Variants in CDC14A observed in about 807,000 individuals in gnomAD.
CDC14A encodes dual specificity protein phosphatase CDC14A.
A neutral mutation model predicts 74.4 loss-of-function variants in CDC14A; 53 were observed. The observed-to-expected ratio is 0.71, with a 90% confidence interval of 0.57 to 0.89. The LOEUF is 0.89. CDC14A is among the 40% of genes least tolerant of loss of function. The pLI is 0.00. For synonymous variants in CDC14A, 247 were observed against 258.4 expected, an observed-to-expected ratio of 0.96 and a Z score of 0.43; for missense variants, 646 against 713.7, an observed-to-expected ratio of 0.91 and a Z score of 1.08.
chr1:100,477,625 A>C (rs1669044146), intron 10 of CDC14A, among the ~76,000 whole-genome samples: 1 of 152,132 alleles, frequency 6.6e-6, no homozygotes, highest in Non-Finnish European at 1.5e-5. Flanking sequence ...AAAGAAAAAA[A>C]CAAGGCTTTG....
chr1:100,485,139 G>A, intron 11 of CDC14A: 3 of 985,310 alleles, frequency 3.0e-6, no homozygotes, highest in Non-Finnish European at 3.6e-6. Flanking sequence ...TTAGGATTAT[G>A]AGCATTTTTG....
intron 14 of CDC14A, among the ~76,000 whole-genome samples, chr1:100,498,601 A>T (rs1648232803): frequency 6.6e-6 from 1 of 152,212 alleles, no homozygotes; most frequent in African/African-American, 2.4e-5. Context: ...TGCTCCCCTT[A>T]CATGGCCCTT....
In CDC14A at chr1:100,498,222, C is replaced by T. The variant is rs765605528; in HGVS notation, c.1421+15C>T. On this transcript the variant is annotated intron_variant, in intron 14 of 15. Coordinates refer to ENST00000336454, the MANE Select transcript of CDC14A (RefSeq NM_003672.4). ...ACTGTAAGAAGGTAATTTTTCTCTC[C>T]CTCTTCTAAGGTGCTGGTTTGAGGT... The T allele has an allele frequency of 6.2e-7, 1 of 1,611,890 alleles. No individual in the cohort carries two copies. Among genetic ancestry groups the T allele is most frequent in the Non-Finnish European group, 8.5e-7 (1 of 1,179,014 alleles).
intron 3 of CDC14A, among the ~76,000 whole-genome samples, chr1:100,385,832 C>G (rs1348573202): frequency 6.6e-6 from 1 of 152,120 alleles, no homozygotes; most frequent in African/African-American, 2.4e-5. Context: ...GCAATAAATG[C>G]GAGCTGTTGT....
intron 4 of CDC14A, among the ~76,000 whole-genome samples, chr1:100,399,847 C>T (rs1222568254): frequency 6.7e-6 from 1 of 148,382 alleles, no homozygotes; most frequent in Non-Finnish European, 1.5e-5. Flanking sequence ...CAGCCCAGAC[C>T]CTGACTCAAA....
chr1:100,464,830 T>G (rs1183932032), intron 9 of CDC14A, among the ~76,000 whole-genome samples: 1 of 152,210 alleles, frequency 6.6e-6, no homozygotes, highest in Non-Finnish European at 1.5e-5. Flanking sequence ...ACATTCTTAT[T>G]ACAGATATTT....
chr1:100,506,057 G>T (rs1571359048), intron 15 of CDC14A, among the ~76,000 whole-genome samples: 1 of 152,044 alleles, frequency 6.6e-6, no homozygotes, highest in African/African-American at 2.4e-5. Context: ...ATTCATGAAG[G>T]ATCCACCGCC....
At chr1:100,506,580 A>G (rs1649259152) in intron 15 of CDC14A, among the ~76,000 whole-genome samples, 1 of 152,228 alleles carries the variant, frequency 6.6e-6, no homozygotes, top group South Asian at 2.1e-4. Context: ...CCAGTGTTAA[A>G]TAGTAGTTTA....
intron 4 of CDC14A, 51 bp downstream of exon 4, chr1:100,390,875 A>G (rs1255626649): frequency 7.7e-7 from 1 of 1,296,952 alleles, no homozygotes. Context: ...GTGAAATGCT[A>G]ACACTGTCAA....
chr1:100,463,089 C>G (rs916516472), intron 9 of CDC14A, among the ~76,000 whole-genome samples: 17 of 152,152 alleles, frequency 1.1e-4, no homozygotes, highest in Non-Finnish European at 2.9e-5. Flanking sequence ...GTGTGGCTTT[C>G]TTGATATGCC....
chr1:100,388,424 C>T (rs78245516), intron 3 of CDC14A, among the ~76,000 whole-genome samples: 123 of 152,288 alleles, frequency 8.1e-4, no homozygotes, highest in African/African-American at 2.9e-3. Context: ...GTGTCAGCAC[C>T]ATTGGTTGTA....
intron 2 of CDC14A, among the ~76,000 whole-genome samples, chr1:100,365,700 G>C (rs1232332299): frequency 6.6e-6 from 1 of 152,150 alleles, no homozygotes; most frequent in Non-Finnish European, 1.5e-5. Context: ...GTGTGACTGT[G>C]GGTGGTTATG....
At chr1:100,361,565 T>G (rs1652754051) in intron 2 of CDC14A, among the ~76,000 whole-genome samples, 1 of 152,086 alleles carries the variant, frequency 6.6e-6, no homozygotes, top group South Asian at 2.1e-4. Flanking sequence ...GCTCAAGAAA[T>G]TTTAGTTGAA....
At chr1:100,366,883 C>T (rs1653706915) in intron 2 of CDC14A, among the ~76,000 whole-genome samples, 1 of 152,162 alleles carries the variant, frequency 6.6e-6, no homozygotes, top group Non-Finnish European at 1.5e-5. Flanking sequence ...AAGAAATCTG[C>T]AAATAGGTGG....
chr1:100,507,867 A>G (rs903603014), intron 15 of CDC14A, among the ~76,000 whole-genome samples: 81 of 151,934 alleles, frequency 5.3e-4, no homozygotes, highest in African/African-American at 1.6e-3. Context: ...TTTAGTAGAG[A>G]TGGGGTTTTG....
Position 100,412,704 on chromosome 1 carries a change from A to ATATATATATATATATATTT in CDC14A, c.310-11501_310-11500insTTTATATATATATATATAT, listed in dbSNP as rs1328183488. ...TGAACTTCCTGTATGTTTTATATAT[A>ATATATATATATATATATTT]TATATATATATATATATATTTTATA... On this transcript the variant is annotated intron_variant, in intron 4 of 15. Coordinates refer to ENST00000336454, the MANE Select transcript of CDC14A (RefSeq NM_003672.4). 4.8e-3 allele frequency among the ~76,000 whole-genome samples: 489 copies of ATATATATATATATATATTT among 100,834 alleles called. 26 individuals carry two copies. The East Asian group carries it at 0.061, about 13-fold the overall frequency. The allele number at this position is 100,834 out of a possible 152,430, so 66.2% of individuals were successfully genotyped here.
At chr1:100,435,823 TAAAAAAAAAAAA>T (rs10545372) in intron 5 of CDC14A, among the ~76,000 whole-genome samples, 1 of 97,958 alleles carries the variant, frequency 1.0e-5, no homozygotes, top group African/African-American at 4.3e-5. Flanking sequence ...AGACTTCGTC[TAAAAAAAAAAAA>T]AAAAAAAAAA....
intron 11 of CDC14A, chr1:100,484,933 G>A (rs1291215481): frequency 2.1e-6 from 2 of 972,660 alleles, no homozygotes; most frequent in Non-Finnish European, 1.2e-6. Context: ...GATATATATT[G>A]TCTGATTAAT....
At chr1:100,444,600 T>C (rs1661793438) in intron 7 of CDC14A, among the ~76,000 whole-genome samples, 1 of 152,218 alleles carries the variant, frequency 6.6e-6, no homozygotes, top group Non-Finnish European at 1.5e-5. Flanking sequence ...GTTGCTTGGC[T>C]GAGGTTGCTT....
Sources: gnomAD v4.1 joint callset for allele counts (sites outside exome capture counted in the v4.1 genomes callset) on GRCh38, gnomAD v4.1.1 for gene constraint, MANE v1.5 for transcripts, NCBI Gene and HGNC (gene_info 2026-07-23, HGNC 2026-07-21) for gene names.